LETM1: variants seen among roughly 807,000 people sequenced by gnomAD.
The protein encoded by LETM1 is leucine zipper and EF-hand containing transmembrane protein 1, also known as mitochondrial proton/calcium exchanger protein.
LETM1 carries 50 observed loss-of-function variants against 74.5 expected under a neutral mutation model. That is an observed-to-expected ratio of 0.67 (90% CI 0.53 to 0.85). The LOEUF (loss-of-function observed/expected upper bound fraction) is 0.85. LETM1 is among the 40% of genes least tolerant of loss of function. LETM1 has a pLI of 0.00. For synonymous variants in LETM1, 446 were observed against 407.1 expected (o/e 1.10, Z -1.15); for missense variants, 824 against 967.8 (o/e 0.85, Z 1.97).
chr4:1,831,218 T>G (rs1182478804), intron 6 of LETM1, among the ~76,000 whole-genome samples: 2 of 152,218 alleles, frequency 1.3e-5, no homozygotes, highest in Non-Finnish European at 2.9e-5. Flanking sequence ...CCTCTCCATG[T>G]TGTCACTCAC....
rs368250894 is a variant in LETM1, at chr4:1,832,904, C to T, written c.920G>A (p.Arg307His). The change falls in exon 6 of 14, where the codon CGT becomes CAT. Residue 307 changes from arginine (R) to histidine (H), a missense_variant. This residue lies in a region of LETM1 where 269 missense variants were observed against 348.8 expected (regional missense o/e 0.77). Coordinates refer to ENST00000302787, the MANE Select transcript of LETM1 (RefSeq NM_012318.3). ...CTCATCCTCAAATAATTTGGAAAAA[C>T]GCATGATTTCCTCATTGCTGGGCCT... ...GERPSNEEIM[R>H]FSKLFEDELT... is the part of the protein sequence containing the mutation. 62 of 1,612,838 alleles carry T rather than the reference C, an allele frequency of 3.8e-5. No homozygotes were observed. Among genetic ancestry groups the T allele is most frequent in the Non-Finnish European group, 4.9e-5 (58 of 1,180,026 alleles).
intron 6 of LETM1, among the ~76,000 whole-genome samples, chr4:1,829,573 G>C (rs949770363): frequency 1.3e-5 from 2 of 152,224 alleles, no homozygotes; most frequent in Non-Finnish European, 2.9e-5. Flanking sequence ...CCAACATTTT[G>C]GGAGGCCAAG....
chr4:1,828,661 G>A (rs1475409289), intron 6 of LETM1, among the ~76,000 whole-genome samples: 2 of 136,570 alleles, frequency 1.5e-5, no homozygotes, highest in Non-Finnish European at 3.1e-5. Flanking sequence ...CCTCCCGGAC[G>A]GGGCAGCTGG....
In LETM1 at chr4:1,841,486, G is replaced by A. The variant is rs371780724; in HGVS notation, c.455C>T (p.Ser152Phe). 1.2e-6 allele frequency: 2 copies of A among 1,614,254 alleles called. No homozygotes were observed. Among genetic ancestry groups the A allele is most frequent in the Non-Finnish European group, 8.5e-7 (1 of 1,180,044 alleles). ...CTCGTCCAGCACCCGCTGCCCCAGG[G>A]ACTTCTTCACCACCACCTCTGCGGG... The part of the protein sequence containing the change: ...SPPAEVVVKK[S>F]LGQRVLDELK... Residue 152 changes from serine (S) to phenylalanine (F), a missense_variant, in exon 3 of 14, where the codon TCC (serine) becomes TTC (phenylalanine). Ser to Phe is a radical substitution (Grantham distance 155). This residue lies in a region of LETM1 where 269 missense variants were observed against 348.8 expected (regional missense o/e 0.77). Coordinates refer to ENST00000302787, the MANE Select transcript of LETM1 (RefSeq NM_012318.3).
In LETM1 at chr4:1,823,130, G is replaced by C. The variant is rs768942725; in HGVS notation, c.1334C>G (p.Ala445Gly). 1.6e-5 allele frequency: 26 copies of C among 1,589,058 alleles called. No homozygotes were observed. Among genetic ancestry groups the C allele is most frequent in the Non-Finnish European group, 2.1e-5 (25 of 1,165,690 alleles). ...GGCCACTTTCACCTGTGCTTCCTTT[G>C]CCTTCAGAAGAGGGTACATCTGTGG... is the stretch of plus-strand genomic sequence containing the variant. ...STLQTLPEIV[A>G]KEAQVKVAEV... is the part of the protein sequence containing the mutation. The change falls in exon 9 of 14, where the codon GCA becomes GGA. Residue 445 changes from alanine (A) to glycine (G), a missense_variant and splice_region_variant. Physicochemically the swap from Ala to Gly is moderately conservative, Grantham distance 60. Around this residue, in one of 4 missense-constraint regions of LETM1, gnomAD observed 172 missense variants for 170.7 expected, o/e 1.01. Transcript: ENST00000302787.
chr4:1,828,182 C>G (rs1444846323), intron 6 of LETM1, among the ~76,000 whole-genome samples: 1 of 117,836 alleles, frequency 8.5e-6, no homozygotes, highest in Admixed American at 8.0e-5. Context: ...CGGGCAGAGG[C>G]GCCCCTCACC....
At position 1,816,939 on chromosome 4, in the gene LETM1, A is replaced by T; in HGVS notation, c.1744-25T>A. 2.5e-6 allele frequency: 4 copies of T among 1,599,818 alleles called. No individual in the cohort carries two copies. In the South Asian group the frequency reaches 3.3e-5, roughly 13 times the overall value. On this transcript the variant is annotated intron_variant, in intron 11 of 13. Coordinates refer to ENST00000302787, the MANE Select transcript of LETM1 (RefSeq NM_012318.3). Reference sequence around the variant, plus strand: ...CCTAATAAAATTATTTTGGTTGTAAAAAGTTTGTCTTAAAAGAAAAAGGGG... The same window carrying T: ...CCTAATAAAATTATTTTGGTTGTAATAAGTTTGTCTTAAAAGAAAAAGGGG...
At chr4:1,822,478 C>T in intron 9 of LETM1, 166 bp from the exon 10 acceptor site, 1 of 718,686 alleles carries the variant, frequency 1.4e-6, no homozygotes, top group Non-Finnish European at 2.0e-6. Flanking sequence ...CTCCATGCAG[C>T]TGCCAGGTCA....
Position 1,816,740 on chromosome 4 carries a change from C to T in LETM1, c.1918G>A (p.Gly640Ser), listed in dbSNP as rs777651583. ...CACCCCACTCACCCCGTGGGCATGC[C>T]GTTGGCCGGGGCCAGCTTGCCAGCC... ...QQAGKLAPAN[G>S]MPTGENVISV... is the part of the protein sequence containing the mutation. Residue 640 changes from glycine (G) to serine (S), a missense_variant, in exon 12 of 14, where the codon GGC becomes AGC. By Grantham distance (56) the Gly-to-Ser change is moderately conservative. Around this residue, in one of 4 missense-constraint regions of LETM1, gnomAD observed 161 missense variants for 252.7 expected, o/e 0.64. Coordinates refer to ENST00000302787, the MANE Select transcript of LETM1 (RefSeq NM_012318.3). 6.2e-6 allele frequency: 10 copies of T among 1,613,952 alleles called. No homozygotes were observed. Among genetic ancestry groups the T allele is most frequent in the South Asian group, 5.5e-5 (5 of 91,084 alleles).
rs541989400 is a variant in LETM1, at chr4:1,813,747, T to C, written c.*677A>G. On this transcript the variant is annotated 3_prime_UTR_variant, in exon 14 of 14. Transcript: ENST00000302787. Reference sequence around the variant, plus strand: ...GCCCCCGTGGGAAACTCTGTGCCAATTGACTGCTTAAAGAACTGGGGGAAA... The same window carrying C: ...GCCCCCGTGGGAAACTCTGTGCCAACTGACTGCTTAAAGAACTGGGGGAAA... 69 of 152,896 alleles carry C rather than the reference T, an allele frequency of 4.5e-4. 1 individual carries two copies. The highest frequency in any genetic ancestry group is 1.7e-3 in the South Asian group (8 of 4,822). 9.5% of individuals were successfully genotyped at this position (152,896 alleles called of 1,614,324 possible).
At chr4:1,815,596 A>G (rs1010138274) in intron 13 of LETM1, 68 bp downstream of exon 13, 1 of 1,574,958 alleles carries the variant, frequency 6.3e-7, no homozygotes, top group African/African-American at 1.3e-5. Context: ...TGCAATGAAC[A>G]GTCCCCCTGC....
chr4:1,848,843 C>T (rs1712973465), intron 2 of LETM1, among the ~76,000 whole-genome samples: 1 of 151,992 alleles, frequency 6.6e-6, no homozygotes, highest in Admixed American at 6.6e-5. Context: ...TGCCAGTGCC[C>T]ACTCCAACTG....
At chr4:1,853,751 C>T (rs1458498186) in intron 1 of LETM1, among the ~76,000 whole-genome samples, 1 of 152,144 alleles carries the variant, frequency 6.6e-6, no homozygotes, top group African/African-American at 2.4e-5. Context: ...TGACAACGAA[C>T]CCTACTCATC....
Position 1,836,326 on chromosome 4 carries a change from A to C in LETM1, c.738+103T>G. The C allele has an allele frequency of 8.0e-6, 9 of 1,128,358 alleles. No individual in the cohort carries two copies. The highest frequency in any genetic ancestry group is 1.2e-5 in the Non-Finnish European group (9 of 758,114). The allele number at this position is 1,128,358 out of a possible 1,614,324, so 69.9% of individuals were successfully genotyped here. A position where few individuals can be genotyped will look rare whatever the true frequency, so the allele number is the denominator to read the frequency against. ...GCACAAGGACAATATGAAGATACAT[A>C]AAGTCTCAAAAATATCTAGCACCTG... On this transcript the variant is annotated intron_variant, in intron 4 of 13. Coordinates refer to ENST00000302787, the MANE Select transcript of LETM1 (RefSeq NM_012318.3). The surrounding 1 kb of genome is among the most constrained non-coding windows in gnomAD (Gnocchi z 5.8).
intron 4 of LETM1, among the ~76,000 whole-genome samples, chr4:1,835,446 AAAAACAAAAAC>A (rs1259621715): frequency 1.5e-4 from 22 of 151,670 alleles, no homozygotes; most frequent in Middle Eastern, 3.4e-3. Flanking sequence ...GTCTCAAAAA[AAAAACAAAAAC>A]AAAACAAAAA....
chr4:1,816,612 G>T, intron 12 of LETM1, 115 bp downstream of exon 12: 1 of 977,672 alleles, frequency 1.0e-6, no homozygotes, highest in Non-Finnish European at 1.5e-6. Flanking sequence ...AGGCAGCCAG[G>T]CAGAGGCTAC....
intron 6 of LETM1, among the ~76,000 whole-genome samples, chr4:1,830,402 C>G (rs912775468): frequency 3.3e-5 from 5 of 152,232 alleles, no homozygotes; most frequent in African/African-American, 1.2e-4. Flanking sequence ...ACAATCACAA[C>G]TCACTGCAAG....
chr4:1,822,476 A>G, intron 9 of LETM1, 164 bp from the exon 10 acceptor site: 1 of 730,850 alleles, frequency 1.4e-6, no homozygotes, highest in Non-Finnish European at 1.9e-6. Flanking sequence ...GGCTCCATGC[A>G]GCTGCCAGGT....
chr4:1,828,401 A>T (rs1712099868), intron 6 of LETM1, among the ~76,000 whole-genome samples: 1 of 96,428 alleles, frequency 1.0e-5, no homozygotes, highest in African/African-American at 4.6e-5. Context: ...TCCCTCCCGG[A>T]CGGGGCGGCT....
Sources: gnomAD v4.1 joint callset for allele counts (sites outside exome capture counted in the v4.1 genomes callset) on GRCh38, gnomAD v4.1.1 for gene constraint, gnomAD v4.1.1 regional missense constraint, Gnocchi (gnomAD v3.1) non-coding constraint, MANE v1.5 for transcripts, NCBI Gene and HGNC (gene_info 2026-07-23, HGNC 2026-07-21) for gene names.